SDK1: variants seen among roughly 807,000 people sequenced by gnomAD.
The protein encoded by SDK1 is protein sidekick-1.
In SDK1, 157 loss-of-function variants were observed where a neutral mutation model predicts 245.5. The observed-to-expected ratio is 0.64, with a 90% CI of 0.56 to 0.73. The LOEUF (loss-of-function observed/expected upper bound fraction) is 0.73, where lower values mean the gene tolerates loss of function less well. Ranked by LOEUF, SDK1 falls within the 30% of genes least tolerant of loss-of-function variation. SDK1 has a pLI of 0.00. For synonymous variants in SDK1, 1,647 were observed against 1,278.5 expected (o/e 1.29, Z -6.15); for missense variants, 3,583 against 3,002.3 (o/e 1.19, Z -4.52).
At chr7:4,049,568 T>A in intron 18 of SDK1, 105 bp downstream of exon 18, 1 of 837,316 alleles carries the variant, frequency 1.2e-6, no homozygotes, top group East Asian at 2.6e-5. Flanking sequence ...CTGGTTGCAT[T>A]AAGATACAGG....
intron 1 of SDK1, among the ~76,000 whole-genome samples, chr7:3,440,398 G>C (rs902169528): frequency 1.3e-5 from 2 of 152,226 alleles, no homozygotes; most frequent in African/African-American, 4.8e-5. Context: ...GGTAAGCTGC[G>C]AAGGTTCGGA....
intron 4 of SDK1, among the ~76,000 whole-genome samples, chr7:3,792,297 C>T (rs754031359): frequency 1.6e-4 from 25 of 152,142 alleles, no homozygotes; most frequent in African/African-American, 2.4e-5. Context: ...TTCACCCCTT[C>T]ACCACAGACT....
At chr7:3,977,681 C>G (rs1362328615) in intron 13 of SDK1, among the ~76,000 whole-genome samples, 1 of 152,248 alleles carries the variant, frequency 6.6e-6, no homozygotes, top group African/African-American at 2.4e-5. Context: ...CTTCCCTGCG[C>G]GCAGCTGATC....
Position 3,639,059 on chromosome 7 carries a change from C to T in SDK1, c.514C>T (p.Arg172Ter). 7 of 1,604,048 alleles carry T rather than the reference C, an allele frequency of 4.4e-6. No homozygotes were observed. Among genetic ancestry groups the T allele is most frequent in the Non-Finnish European group, 6.0e-6 (7 of 1,172,566 alleles). ...LDAGFYRCVV[R>*]NRMGALLQRK... ...TGCTGGGTTTTACCGCTGCGTGGTG[C>T]GAAACAGAATGGGAGCACTCCTGCA... The change falls in exon 3 of 45, where the codon CGA (arginine) becomes TGA (stop). Residue 172 changes from arginine (R) to a stop codon, truncating the protein, a stop_gained. Coordinates refer to ENST00000404826, the MANE Select transcript of SDK1 (RefSeq NM_152744.4). LOFTEE classifies it high-confidence loss of function.
At chr7:4,213,013 G>A (rs1461222434) in intron 38 of SDK1, among the ~76,000 whole-genome samples, 1 of 152,170 alleles carries the variant, frequency 6.6e-6, no homozygotes, top group Non-Finnish European at 1.5e-5. Context: ...TGGGCTGGGC[G>A]CAGGGGCCTG....
intron 1 of SDK1, among the ~76,000 whole-genome samples, chr7:3,365,409 C>CT (rs1781063019): frequency 1.3e-5 from 2 of 152,118 alleles, no homozygotes; most frequent in South Asian, 4.1e-4. Flanking sequence ...CTTCAGAACT[C>CT]TTTCAGTGGT....
chr7:3,529,110 G>GGAAA (rs1484999405), intron 1 of SDK1, among the ~76,000 whole-genome samples: 2 of 152,118 alleles, frequency 1.3e-5, no homozygotes, highest in African/African-American at 4.8e-5. Flanking sequence ...TGTGGAAAGG[G>GGAAA]GAAAGATTAA....
intron 5 of SDK1, among the ~76,000 whole-genome samples, chr7:3,851,377 A>G (rs1221710829): frequency 6.6e-6 from 1 of 152,106 alleles, no homozygotes; most frequent in Non-Finnish European, 1.5e-5. Context: ...TGTTAATAAT[A>G]TAAGTATTTA....
intron 4 of SDK1, among the ~76,000 whole-genome samples, chr7:3,675,559 T>TTTTG (rs56106932): frequency 2.6e-4 from 39 of 150,966 alleles, no homozygotes; most frequent in East Asian, 1.2e-3. Context: ...CCCTACTCCT[T>TTTTG]TTTGTTTGTT....
intron 4 of SDK1, among the ~76,000 whole-genome samples, chr7:3,727,540 G>C: frequency 6.6e-6 from 1 of 152,096 alleles, no homozygotes; most frequent in East Asian, 1.9e-4. Context: ...ACTCAGGCTG[G>C]AGTGCAGTGG....
intron 32 of SDK1, among the ~76,000 whole-genome samples, chr7:4,163,227 T>G (rs1781277876): frequency 6.6e-6 from 1 of 151,324 alleles, no homozygotes; most frequent in African/African-American, 2.4e-5. Context: ...AGCCTGGGAG[T>G]GCCTGCTGGG....
intron 1 of SDK1, among the ~76,000 whole-genome samples, chr7:3,573,908 T>A (rs760282938): frequency 3.9e-5 from 6 of 152,098 alleles, no homozygotes; most frequent in Non-Finnish European, 8.8e-5. Context: ...CTATGTTTTG[T>A]GTCCTTTTTA....
chr7:3,605,196 G>A lies in SDK1; in HGVS notation c.299-13884G>A, dbSNP rs186103485. ...GTGATGTCTACTGTATAATGTAATTGTTTTCCACCTTGTGGTTTTGGCATT... is the reference window on the plus strand; with the variant it reads ...GTGATGTCTACTGTATAATGTAATTATTTTCCACCTTGTGGTTTTGGCATT... On this transcript the variant is annotated intron_variant, in intron 1 of 44. Transcript: ENST00000404826. 1.6e-4 allele frequency among the ~76,000 whole-genome samples: 24 copies of A among 147,196 alleles called. No individual in the cohort carries two copies. The East Asian group carries it at 1.9e-3, about 11-fold the overall frequency.
At chr7:3,777,471 G>C (rs1206104080) in intron 4 of SDK1, among the ~76,000 whole-genome samples, 2 of 152,176 alleles carry the variant, frequency 1.3e-5, no homozygotes, top group Non-Finnish European at 2.9e-5. Flanking sequence ...GACATTTTCT[G>C]ATGGGAATTA....
At position 4,002,863 on chromosome 7, in the gene SDK1, A is replaced by T. The variant is rs1218222312; in HGVS notation, c.2132-8103A>T. On this transcript the variant is annotated intron_variant, in intron 14 of 44. Coordinates refer to ENST00000404826, the MANE Select transcript of SDK1 (RefSeq NM_152744.4). Reference sequence around the variant, plus strand: ...AAAGAGCCTCTGCTGGGACCCGGGGAGGGCCCGATGTGATGGGAGCCAAGA... The same window carrying T: ...AAAGAGCCTCTGCTGGGACCCGGGGTGGGCCCGATGTGATGGGAGCCAAGA... Among the ~76,000 whole-genome samples the T allele has an allele frequency of 6.6e-5, 10 of 152,310 alleles. No homozygotes were observed. The East Asian group carries it at 1.9e-3, about 29-fold the overall frequency.
At chr7:3,948,076 C>T (rs1219506658) in intron 5 of SDK1, among the ~76,000 whole-genome samples, 1 of 152,104 alleles carries the variant, frequency 6.6e-6, no homozygotes, top group East Asian at 1.9e-4. Flanking sequence ...ACTATCCTTG[C>T]TATTGAAATA....
At chr7:3,680,645 G>A (rs1173706746) in intron 4 of SDK1, among the ~76,000 whole-genome samples, 1 of 152,084 alleles carries the variant, frequency 6.6e-6, no homozygotes, top group Non-Finnish European at 1.5e-5. Context: ...TTAAAATCTA[G>A]TGATTTTAAA....
chr7:3,723,856 A>ACG (rs1778911807), intron 4 of SDK1, among the ~76,000 whole-genome samples: 1 of 129,384 alleles, frequency 7.7e-6, no homozygotes, highest in Non-Finnish European at 1.7e-5. Flanking sequence ...GTACATATAC[A>ACG]TATACACGTG....
chr7:3,587,355 G>A lies in SDK1; in HGVS notation c.299-31725G>A, dbSNP rs552575545. On this transcript the variant is annotated intron_variant, in intron 1 of 44. Transcript: ENST00000404826. Reference sequence around the variant, plus strand: ...TAAAGAGATTTATTAGAAGGTGTTGGCTTACGTGATTATGGAGGCTGAGAA... The same window carrying A: ...TAAAGAGATTTATTAGAAGGTGTTGACTTACGTGATTATGGAGGCTGAGAA... 1.1e-3 allele frequency among the ~76,000 whole-genome samples: 167 copies of A among 151,876 alleles called. 1 individual carries two copies. The highest frequency in any genetic ancestry group is 3.9e-3 in the African/African-American group (163 of 41,426).
Sources: allele counts gnomAD v4.1 joint callset (sites outside exome capture counted in the v4.1 genomes callset), GRCh38; gene constraint gnomAD v4.1.1; transcripts MANE v1.5; gene names NCBI Gene and HGNC (gene_info 2026-07-23, HGNC 2026-07-21).